SLC30A9: variants seen among roughly 807,000 people sequenced by gnomAD.
SLC30A9 encodes the protein proton-coupled zinc antiporter SLC30A9, mitochondrial.
A neutral mutation model predicts 87.5 loss-of-function variants in SLC30A9; 58 were observed. The observed-to-expected ratio is 0.66, with a 90% confidence interval of 0.54 to 0.82. The LOEUF is 0.82. Among genes scored for constraint, SLC30A9 ranks in the 40% least tolerant of loss-of-function variants. SLC30A9 has a pLI of 0.00. For synonymous variants in SLC30A9, 234 were observed against 233.0 expected (o/e 1.00, Z -0.04); for missense variants, 557 against 679.1 (o/e 0.82, Z 2.00).
chr4:42,086,093 T>G lies in SLC30A9; in HGVS notation c.1674T>G (p.Pro558=), dbSNP rs1196947813. ...RLEKELKKRN[P]EVRHVDLEIL ...ATTTTTCTTTCCAGAAACGAAATCC[T>G]GAAGTTCGACATGTAGATTTGGAGA... Residue 558 remains proline (P), a synonymous_variant, in exon 18 of 18, where the codon CCT becomes CCG. Transcript: ENST00000264451. 11 of 1,495,922 alleles carry G rather than the reference T, an allele frequency of 7.4e-6. No individual in the cohort carries two copies. The highest frequency in any genetic ancestry group is 1.3e-5 in the South Asian group (1 of 76,808). The allele number at this position is 1,495,922 out of a possible 1,614,324, so 92.7% of individuals were successfully genotyped here.
At position 42,086,418 on chromosome 4, in the gene SLC30A9, T is replaced by C; in HGVS notation, c.*292T>C. On this transcript the variant is annotated 3_prime_UTR_variant, in exon 18 of 18. Transcript: ENST00000264451. ...TGTTCATAATGTCCCATATTTCACCTGTTCAGTGTATACTGTACTTTGCAA... is the reference window on the plus strand; with the variant it reads ...TGTTCATAATGTCCCATATTTCACCCGTTCAGTGTATACTGTACTTTGCAA... 1 of 263,278 alleles carries C rather than the reference T, an allele frequency of 3.8e-6. No homozygotes were observed. The highest frequency in any genetic ancestry group is 7.1e-6 in the Non-Finnish European group (1 of 140,220). 16.3% of individuals were successfully genotyped at this position (263,278 alleles called of 1,614,324 possible).
chr4:42,069,881 G>A (rs1246980388), intron 14 of SLC30A9, among the ~76,000 whole-genome samples: 1 of 152,018 alleles, frequency 6.6e-6, no homozygotes, highest in Non-Finnish European at 1.5e-5. Context: ...TTTATTCAGG[G>A]GCCTGAAATG....
rs1191408811 is a variant in SLC30A9, at chr4:41,990,763, G to C, written c.109+3G>C. On this transcript the variant is annotated splice_donor_region_variant and intron_variant, in intron 1 of 17. Coordinates refer to ENST00000264451, the MANE Select transcript of SLC30A9 (RefSeq NM_006345.4). ...CTGTAATCCCAGCGACCGCCAGGGT[G>C]AGTGTCCCGCGCTGGCCGCTGGCTC... The C allele has an allele frequency of 1.9e-6, 3 of 1,605,858 alleles. No homozygotes were observed. Among genetic ancestry groups the C allele is most frequent in the African/African-American group, 2.7e-5 (2 of 74,834 alleles).
chr4:42,010,401 C>A (rs957913772), intron 2 of SLC30A9, among the ~76,000 whole-genome samples: 2 of 152,036 alleles, frequency 1.3e-5, no homozygotes, highest in African/African-American at 4.8e-5. Context: ...CACTTGAGCC[C>A]AACAGGTTGA....
In SLC30A9 at chr4:42,060,263, ATTTTGT is replaced by A. The variant is rs1188756866; in HGVS notation, c.896+26_896+31del. Reference sequence around the variant, plus strand: ...TTCTCATCCGTAAGGACATTGCCTTATTTTGTTTTTGTTTGTTTTGGCGATAAGTCA... The same window carrying A: ...TTCTCATCCGTAAGGACATTGCCTTATTTTGTTTGTTTTGGCGATAAGTCA... On this transcript the variant is annotated intron_variant, in intron 10 of 17. Coordinates refer to ENST00000264451, the MANE Select transcript of SLC30A9 (RefSeq NM_006345.4). 6.2e-7 allele frequency: 1 copy of A among 1,602,762 alleles called. No homozygotes were observed. Among genetic ancestry groups the A allele is most frequent in the African/African-American group, 1.3e-5 (1 of 74,658 alleles).
chr4:41,997,061 T>A (rs1006413102), intron 1 of SLC30A9, among the ~76,000 whole-genome samples: 5 of 146,574 alleles, frequency 3.4e-5, no homozygotes, highest in African/African-American at 5.1e-5. Flanking sequence ...AATAAATAAA[T>A]AAAAATGAAA....
chr4:42,053,281 C>T (rs1717457789), intron 9 of SLC30A9, among the ~76,000 whole-genome samples: 1 of 152,150 alleles, frequency 6.6e-6, no homozygotes, highest in African/African-American at 2.4e-5. Flanking sequence ...ATGGTACAAC[C>T]ACTCTGGAAA....
rs1716330293 is a variant in SLC30A9 at position 42,029,442 on chromosome 4, A to G, written c.611-5833A>G. 3 of 646,630 alleles carry G rather than the reference A, an allele frequency of 4.6e-6. No homozygotes were observed. The East Asian group carries it at 9.1e-5, about 20-fold the overall frequency. The allele number at this position is 646,630 out of a possible 1,614,324, so 40.1% of individuals were successfully genotyped here. A position where few individuals can be genotyped will look rare whatever the true frequency, so the allele number is the denominator to read the frequency against. On this transcript the variant is annotated intron_variant, in intron 6 of 17. Coordinates refer to ENST00000264451, the MANE Select transcript of SLC30A9 (RefSeq NM_006345.4). ...ACCACATATCAGGACCCCCACCAGG[A>G]TTAACACAGATTTCTCAGATCCAGC...
intron 8 of SLC30A9, among the ~76,000 whole-genome samples, chr4:42,042,434 C>A (rs373241154): frequency 1.3e-5 from 2 of 152,122 alleles, no homozygotes; most frequent in African/African-American, 4.8e-5. Flanking sequence ...GTTTTCCCCT[C>A]ACAGTGTAAA....
chr4:42,079,606 A>AT (rs34885731), intron 17 of SLC30A9, among the ~76,000 whole-genome samples: 91,047 of 140,306 alleles, frequency 0.65, 33,062 homozygotes, highest in East Asian at 0.95. Flanking sequence ...ACCCAGTCAC[A>AT]TTTTTTTTTT....
chr4:42,063,162 C>G, intron 11 of SLC30A9, 41 bp downstream of exon 11: 1 of 1,592,026 alleles, frequency 6.3e-7, no homozygotes, highest in Non-Finnish European at 8.6e-7. Context: ...TGTCTTATGA[C>G]ATAGTGATTG....
chr4:42,084,661 T>C (rs7676796), intron 17 of SLC30A9, among the ~76,000 whole-genome samples: 148,482 of 152,148 alleles, frequency 0.98, 72,466 homozygotes, highest in East Asian at 1. Flanking sequence ...TTAATAGAGA[T>C]GGGGTTTCAT....
At chr4:42,082,574 G>T (rs1207251390) in intron 17 of SLC30A9, among the ~76,000 whole-genome samples, 3 of 152,170 alleles carry the variant, frequency 2.0e-5, no homozygotes, top group African/African-American at 7.2e-5. Context: ...GTGGCTGGGC[G>T]CAGTGGCTCA....
intron 6 of SLC30A9, among the ~76,000 whole-genome samples, chr4:42,025,667 AT>A (rs1187290597): frequency 1.3e-5 from 2 of 151,974 alleles, no homozygotes; most frequent in Non-Finnish European, 2.9e-5. Flanking sequence ...GATTATTTTT[AT>A]TTTATTTTAT....
intron 6 of SLC30A9, among the ~76,000 whole-genome samples, chr4:42,034,637 A>G (rs971239251): frequency 2.0e-5 from 3 of 152,204 alleles, no homozygotes; most frequent in Non-Finnish European, 4.4e-5. Flanking sequence ...CTCCATCATC[A>G]TATGTATATA....
intron 9 of SLC30A9, among the ~76,000 whole-genome samples, chr4:42,058,218 A>G (rs1339523478): frequency 6.6e-6 from 1 of 152,128 alleles, no homozygotes; most frequent in Non-Finnish European, 1.5e-5. Context: ...CTCAAGTTCA[A>G]AGTTCACAAA....
chr4:42,017,842 G>A (rs879802044), intron 2 of SLC30A9, among the ~76,000 whole-genome samples: 12 of 152,078 alleles, frequency 7.9e-5, no homozygotes, highest in Non-Finnish European at 1.6e-4. Flanking sequence ...TTTTCTAAAA[G>A]GGTTTGAGAT....
At chr4:41,998,364 T>C (rs1456858120) in intron 1 of SLC30A9, among the ~76,000 whole-genome samples, 2 of 152,344 alleles carry the variant, frequency 1.3e-5, no homozygotes, top group Admixed American at 6.5e-5. Context: ...GACTTCGATA[T>C]GTAGCTTGTT....
chr4:42,018,679 G>A (rs1021981188), intron 3 of SLC30A9, among the ~76,000 whole-genome samples: 1 of 152,160 alleles, frequency 6.6e-6, no homozygotes, highest in Admixed American at 6.6e-5. Flanking sequence ...GATAAAACTG[G>A]ATTAAATTTG....
Sources: gnomAD v4.1 joint callset for allele counts (sites outside exome capture counted in the v4.1 genomes callset) on GRCh38, gnomAD v4.1.1 for gene constraint, MANE v1.5 for transcripts, NCBI Gene and HGNC (gene_info 2026-07-23, HGNC 2026-07-21) for gene names.